The following DTNB variants were observed in gnomAD, a reference collection of about 807,000 sequenced individuals.
DTNB encodes the protein dystrobrevin beta, also known as DTN-B.
A neutral mutation model predicts 90.7 loss-of-function variants in DTNB; 63 were observed. The observed-to-expected ratio is 0.69, with a 90% CI of 0.57 to 0.86. DTNB has a LOEUF of 0.86. Among genes scored for constraint, DTNB ranks in the 40% least tolerant of loss-of-function variants. The pLI is 0.00. For missense variants in DTNB, 744 were observed against 807.1 expected, an observed-to-expected ratio of 0.92 and a Z score of 0.95; for synonymous variants, 277 against 286.7, an observed-to-expected ratio of 0.97 and a Z score of 0.34.
intron 3 of DTNB, among the ~76,000 whole-genome samples, chr2:25,637,918 A>C (rs1429493775): frequency 6.6e-6 from 1 of 152,230 alleles, no homozygotes; most frequent in Non-Finnish European, 1.5e-5. Context: ...ACGTATGTTT[A>C]TTGCAGCACT....
At chr2:25,550,904 C>T (rs1015080217) in intron 8 of DTNB, among the ~76,000 whole-genome samples, 1 of 152,226 alleles carries the variant, frequency 6.6e-6, no homozygotes, top group Non-Finnish European at 1.5e-5. Context: ...CCCACCTCGG[C>T]CTCCCAAAGT....
intron 9 of DTNB, among the ~76,000 whole-genome samples, chr2:25,514,046 TA>T: frequency 6.8e-6 from 1 of 147,716 alleles, no homozygotes; most frequent in South Asian, 2.1e-4. Flanking sequence ...TACAGTCTAA[TA>T]GGGTAGAGAT....
Position 25,639,510 on chromosome 2 carries a change from G to A in DTNB, c.68-416C>T, listed in dbSNP as rs150229742. 1.2e-4 allele frequency among the ~76,000 whole-genome samples: 18 copies of A among 151,530 alleles called. No individual in the cohort carries two copies. In the East Asian group the frequency reaches 3.1e-3, roughly 26 times the overall value. On this transcript the variant is annotated intron_variant, in intron 2 of 20. Transcript: ENST00000406818. Reference sequence around the variant, plus strand: ...CCCCGTGGCTGTGGCCATGCGGCGTGCCTCTGCACATAAGTGTCCTCATTT... The same window carrying A: ...CCCCGTGGCTGTGGCCATGCGGCGTACCTCTGCACATAAGTGTCCTCATTT...
At chr2:25,442,715 G>T (rs973474226) in intron 12 of DTNB, among the ~76,000 whole-genome samples, 1 of 152,178 alleles carries the variant, frequency 6.6e-6, no homozygotes, top group African/African-American at 2.4e-5. Context: ...TCCCAGAAGG[G>T]TATTTAAAGG....
intron 19 of DTNB, among the ~76,000 whole-genome samples, chr2:25,381,871 C>CA (rs1406343265): frequency 6.6e-6 from 1 of 152,250 alleles, no homozygotes; most frequent in Admixed American, 6.5e-5. Flanking sequence ...CGTGAGACTC[C>CA]AAAGACGACC....
intron 2 of DTNB, among the ~76,000 whole-genome samples, chr2:25,640,054 G>A (rs2077924130): frequency 6.6e-6 from 1 of 152,216 alleles, no homozygotes; most frequent in Non-Finnish European, 1.5e-5. Flanking sequence ...AGCACTGAAC[G>A]CTGTTCTGAG....
chr2:25,583,759 T>C (rs1470172655), intron 6 of DTNB, among the ~76,000 whole-genome samples: 1 of 152,080 alleles, frequency 6.6e-6, no homozygotes, highest in East Asian at 1.9e-4. Flanking sequence ...AACCTCATGA[T>C]CCACCCACCT....
chr2:25,667,961 C>T (rs1237489157), intron 1 of DTNB, among the ~76,000 whole-genome samples: 1 of 152,108 alleles, frequency 6.6e-6, no homozygotes, highest in Admixed American at 6.6e-5. Context: ...ATGAGCTGGC[C>T]GGACGCGGTG....
chr2:25,570,606 CCTTA>C (rs1478511803), intron 8 of DTNB, among the ~76,000 whole-genome samples: 4 of 152,088 alleles, frequency 2.6e-5, no homozygotes, highest in African/African-American at 7.2e-5. Flanking sequence ...AGTTCTTATT[CCTTA>C]CTTGACTGTT....
intron 4 of DTNB, 98 bp downstream of exon 4, chr2:25,628,073 C>CTTA: frequency 7.7e-7 from 1 of 1,306,800 alleles, no homozygotes; most frequent in Non-Finnish European, 1.1e-6. Flanking sequence ...AAGTTGCCAG[C>CTTA]TTAGCAAGGC....
In DTNB at chr2:25,451,586, G is replaced by T; in HGVS notation, c.1219C>A (p.Arg407Ser). The part of the protein sequence containing the change: ...RLDEEHRLIA[R>S]YAARLAAEAG... ...TCTGCAGCCAGCCGGGCAGCATAGCGAGCTATAAGACGGTGTTCCTCATCC... is the reference window on the plus strand; with the variant it reads ...TCTGCAGCCAGCCGGGCAGCATAGCTAGCTATAAGACGGTGTTCCTCATCC... Residue 407 changes from arginine (R) to serine (S), a missense_variant, in exon 12 of 21, where the codon CGC (arginine) becomes AGC (serine). By Grantham distance (110) the Arg-to-Ser change is moderately radical (BLOSUM62 -1). Coordinates refer to ENST00000406818, the MANE Select transcript of DTNB (RefSeq NM_021907.5). 1 of 1,608,758 alleles carries T rather than the reference G, an allele frequency of 6.2e-7. No homozygotes were observed. The highest frequency in any genetic ancestry group is 8.5e-7 in the Non-Finnish European group (1 of 1,177,616).
At chr2:25,477,060 A>G (rs1214302477) in intron 10 of DTNB, among the ~76,000 whole-genome samples, 1 of 152,236 alleles carries the variant, frequency 6.6e-6, no homozygotes, top group Non-Finnish European at 1.5e-5. Flanking sequence ...GTCAGCAGCC[A>G]TCAGCATTGA....
intron 9 of DTNB, among the ~76,000 whole-genome samples, chr2:25,495,556 T>C (rs2068647169): frequency 6.6e-6 from 1 of 152,204 alleles, no homozygotes; most frequent in African/African-American, 2.4e-5. Context: ...TGGTGAAATA[T>C]TAAGGAGCCC....
Position 25,569,536 on chromosome 2 carries a change from T to C in DTNB, c.876+7302A>G, listed in dbSNP as rs2059518905. Among the ~76,000 whole-genome samples the C allele has an allele frequency of 2.6e-5, 4 of 152,138 alleles. No homozygotes were observed. The South Asian group carries it at 6.2e-4, about 24-fold the overall frequency. On this transcript the variant is annotated intron_variant, in intron 8 of 20. Coordinates refer to ENST00000406818, the MANE Select transcript of DTNB (RefSeq NM_021907.5). ...AGATCAACCCCTTCCTCTCCCTTTT[T>C]TCTTGGGATCTGCACACTCCGCAGA...
intron 2 of DTNB, among the ~76,000 whole-genome samples, chr2:25,646,407 G>A (rs1374178896): frequency 4.6e-5 from 7 of 151,876 alleles, no homozygotes; most frequent in African/African-American, 1.7e-4. Context: ...GGGAGGCGGA[G>A]ATTGCAGTGA....
intron 4 of DTNB, among the ~76,000 whole-genome samples, chr2:25,607,663 A>G (rs1216177018): frequency 6.6e-6 from 1 of 152,212 alleles, no homozygotes; most frequent in Non-Finnish European, 1.5e-5. Flanking sequence ...TAAGTATTCA[A>G]AACTGAGGGG....
intron 1 of DTNB, among the ~76,000 whole-genome samples, chr2:25,653,444 A>G (rs1224923445): frequency 2.7e-5 from 4 of 149,960 alleles, no homozygotes; most frequent in Admixed American, 6.6e-5. Context: ...AAAAAAAAAA[A>G]AAGAAAGAAG....
chr2:25,445,701 C>A (rs1281549810), intron 12 of DTNB, among the ~76,000 whole-genome samples: 4 of 152,082 alleles, frequency 2.6e-5, no homozygotes, highest in Non-Finnish European at 5.9e-5. Context: ...GCTGAAATAC[C>A]CCGCTGGGCA....
chr2:25,597,099 G>A (rs1334900852), intron 5 of DTNB, among the ~76,000 whole-genome samples: 2 of 152,120 alleles, frequency 1.3e-5, no homozygotes, highest in East Asian at 3.8e-4. Flanking sequence ...ATTTCCTGAG[G>A]ACTTTTCAAA....
Sources: allele counts gnomAD v4.1 joint callset (sites outside exome capture counted in the v4.1 genomes callset), GRCh38; gene constraint gnomAD v4.1.1; transcripts MANE v1.5; gene names NCBI Gene and HGNC (gene_info 2026-07-23, HGNC 2026-07-21).